The following AP1S3 variants were observed in gnomAD, a reference collection of about 807,000 sequenced individuals.
AP1S3 encodes the protein AP-1 complex subunit sigma-3.
In AP1S3, 10 loss-of-function variants were observed where a neutral mutation model predicts 20.9. The observed-to-expected ratio is 0.48, with a 90% CI of 0.29 to 0.81. AP1S3 has a LOEUF of 0.81. Among genes scored for constraint, AP1S3 ranks in the 30% least tolerant of loss-of-function variants. The pLI is 0.08. For synonymous variants in AP1S3, 41 were observed against 61.5 expected, an observed-to-expected ratio of 0.67 and a Z score of 1.56; for missense variants, 154 against 183.8, an observed-to-expected ratio of 0.84 and a Z score of 0.94.
intron 3 of AP1S3, among the ~76,000 whole-genome samples, chr2:223,773,971 G>C (rs1690700109): frequency 1.3e-5 from 2 of 152,232 alleles, no homozygotes. Flanking sequence ...CAAAGCACTG[G>C]TCTCAAGAGA....
At chr2:223,801,116 G>A (rs888547793) in intron 1 of AP1S3, among the ~76,000 whole-genome samples, 1 of 152,122 alleles carries the variant, frequency 6.6e-6, no homozygotes, top group South Asian at 2.1e-4. Flanking sequence ...TATAACAGTC[G>A]ATGGTTGACA....
At chr2:223,787,178 C>T (rs1286713093) in intron 1 of AP1S3, among the ~76,000 whole-genome samples, 1 of 152,154 alleles carries the variant, frequency 6.6e-6, no homozygotes, top group Non-Finnish European at 1.5e-5. Flanking sequence ...GTACTGCTTC[C>T]CCTTCGCCTT....
In AP1S3 at chr2:223,780,298, TATATATATATAGAGAGAGAGAGAGAG is replaced by T. The variant is rs1466961146; in HGVS notation, c.4-2455_4-2430del. Among the ~76,000 whole-genome samples, 84 of 53,550 alleles carry T rather than the reference TATATATATATAGAGAGAGAGAGAGAG, an allele frequency of 1.6e-3. 1 individual carries two copies. Among genetic ancestry groups the T allele is most frequent in the African/African-American group, 6.6e-3 (76 of 11,554 alleles). 35.1% of individuals were successfully genotyped at this position (53,550 alleles called of 152,430 possible). On this transcript the variant is annotated intron_variant, in intron 1 of 4. Transcript: ENST00000396654. ...GCTAATATATATATATATATATATA[TATATATATATAGAGAGAGAGAGAGAG>T]AGAGAGAGAGAGAGAGAGAGAGAGA...
Position 223,774,798 on chromosome 2 carries a change from A to C in AP1S3, c.291+1103T>G, listed in dbSNP as rs190455668. On this transcript the variant is annotated intron_variant, in intron 3 of 4. Transcript: ENST00000396654. ...GCACTGAAGGATCCTGGAACATAAC[A>C]AATTCCAATCACAAGACAGAACGGA... Among the ~76,000 whole-genome samples the C allele has an allele frequency of 2.8e-4, 43 of 152,342 alleles. No homozygotes were observed. In the East Asian group the frequency reaches 6.2e-3, roughly 22 times the overall value.
At chr2:223,832,264 C>A (rs995765116) in intron 1 of AP1S3, among the ~76,000 whole-genome samples, 1 of 150,934 alleles carries the variant, frequency 6.6e-6, no homozygotes, top group South Asian at 2.1e-4. Context: ...TTGACAACAC[C>A]GTTCAGCAAA....
intron 1 of AP1S3, among the ~76,000 whole-genome samples, chr2:223,778,188 C>T (rs1185573252): frequency 3.2e-5 from 4 of 125,794 alleles, no homozygotes; most frequent in African/African-American, 1.1e-4. Context: ...TGCAGTGGCG[C>T]GGTCTCAGCT....
intron 1 of AP1S3, among the ~76,000 whole-genome samples, chr2:223,826,854 G>A (rs1236569391): frequency 6.6e-6 from 1 of 151,984 alleles, no homozygotes; most frequent in East Asian, 1.9e-4. Context: ...TTGCTCAAGA[G>A]GCTATGCTTA....
At position 223,758,279 on chromosome 2, in the gene AP1S3, A is replaced by G. The variant is rs962724726; in HGVS notation, c.*436T>C. 7 of 975,538 alleles carry G rather than the reference A, an allele frequency of 7.2e-6. No homozygotes were observed. Among genetic ancestry groups the G allele is most frequent in the African/African-American group, 3.5e-5 (2 of 57,032 alleles). 60.4% of individuals were successfully genotyped at this position (975,538 alleles called of 1,614,324 possible). ...ACTATTAACATAATTTTGAATTATT[A>G]TACAATTTAGAAAACTAAACATTTA... On this transcript the variant is annotated 3_prime_UTR_variant, in exon 5 of 5. Coordinates refer to ENST00000396654, the MANE Select transcript of AP1S3 (RefSeq NM_001039569.2).
intron 3 of AP1S3, among the ~76,000 whole-genome samples, chr2:223,771,310 C>T (rs1574690419): frequency 2.0e-5 from 3 of 152,108 alleles, no homozygotes; most frequent in South Asian, 4.2e-4. Context: ...GCACCCCAAC[C>T]TGGGCAACGG....
chr2:223,795,085 A>C (rs978000181), intron 1 of AP1S3, among the ~76,000 whole-genome samples: 1 of 152,116 alleles, frequency 6.6e-6, no homozygotes, highest in Non-Finnish European at 1.5e-5. Context: ...CCCCATCTCT[A>C]CTACAAATAC....
chr2:223,765,413 G>A (rs964333580), intron 3 of AP1S3, 63 bp from the exon 4 acceptor site: 25 of 1,524,134 alleles, frequency 1.6e-5, no homozygotes, highest in Admixed American at 6.6e-5. Flanking sequence ...ACATCTGCCC[G>A]AATCTCGAGC....
intron 1 of AP1S3, among the ~76,000 whole-genome samples, chr2:223,822,771 G>C (rs1692020575): frequency 6.6e-6 from 1 of 152,068 alleles, no homozygotes; most frequent in Admixed American, 6.6e-5. Context: ...CTGCACAGCA[G>C]AGAAAACAAC....
At chr2:223,769,896 T>C (rs977233152) in intron 3 of AP1S3, among the ~76,000 whole-genome samples, 4 of 151,758 alleles carry the variant, frequency 2.6e-5, no homozygotes, top group Admixed American at 6.6e-5. Flanking sequence ...AGGCGCCCGC[T>C]ACCTCGCCCG....
intron 1 of AP1S3, among the ~76,000 whole-genome samples, chr2:223,784,027 C>G (rs974350670): frequency 6.6e-6 from 1 of 150,660 alleles, no homozygotes; most frequent in Admixed American, 6.7e-5. Flanking sequence ...CTTTTTCCCA[C>G]CTCTACAGCC....
chr2:223,777,149 A>G (rs777928157), intron 2 of AP1S3, among the ~76,000 whole-genome samples: 3 of 152,150 alleles, frequency 2.0e-5, no homozygotes, highest in Non-Finnish European at 4.4e-5. Context: ...TAATCCCAGC[A>G]CTTTGGGAGG....
intron 1 of AP1S3, among the ~76,000 whole-genome samples, chr2:223,804,329 C>A (rs1028878579): frequency 6.6e-6 from 1 of 152,182 alleles, no homozygotes; most frequent in African/African-American, 2.4e-5. Context: ...CAAGTAAGCA[C>A]ACTTGCTTTG....
chr2:223,796,830 A>G (rs532530103), intron 1 of AP1S3, among the ~76,000 whole-genome samples: 1 of 152,180 alleles, frequency 6.6e-6, no homozygotes, highest in East Asian at 1.9e-4. Context: ...CGCCCAGCTA[A>G]TTTTTGTAGT....
At position 223,758,064 on chromosome 2, in the gene AP1S3, A is replaced by C. The variant is rs1333154401; in HGVS notation, c.*651T>G. The C allele has an allele frequency of 1.0e-6, 1 of 983,466 alleles. No individual in the cohort carries two copies. Among genetic ancestry groups the C allele is most frequent in the Non-Finnish European group, 1.2e-6 (1 of 828,058 alleles). The allele number at this position is 983,466 out of a possible 1,614,324, so 60.9% of individuals were successfully genotyped here. A position where few individuals can be genotyped will look rare whatever the true frequency, so the allele number is the denominator to read the frequency against. On this transcript the variant is annotated 3_prime_UTR_variant, in exon 5 of 5. Transcript: ENST00000396654. ...CAATTAAAAGATAAATTAAAACCTCAGTCAAGATAGCAGCTTCTAAGGCAT... is the reference window on the plus strand; with the variant it reads ...CAATTAAAAGATAAATTAAAACCTCCGTCAAGATAGCAGCTTCTAAGGCAT...
chr2:223,821,987 C>T (rs1008751544), intron 1 of AP1S3, among the ~76,000 whole-genome samples: 4 of 152,128 alleles, frequency 2.6e-5, no homozygotes, highest in South Asian at 2.1e-4. Context: ...TCGCAGTTAT[C>T]GGCACAGCTG....
Sources: gnomAD v4.1 joint callset for allele counts (sites outside exome capture counted in the v4.1 genomes callset) on GRCh38, gnomAD v4.1.1 for gene constraint, MANE v1.5 for transcripts, NCBI Gene and HGNC (gene_info 2026-07-23, HGNC 2026-07-21) for gene names.